Variants in CEP131 observed in about 807,000 individuals in gnomAD.
CEP131 encodes the protein centrosomal protein 131, also known as centrosomal protein of 131 kDa.
In CEP131, 99 loss-of-function variants were observed where a neutral mutation model predicts 136.8. That is an observed-to-expected ratio of 0.72 (90% CI 0.62 to 0.86). CEP131 has a LOEUF of 0.86. CEP131 is among the 40% of genes least tolerant of loss of function. CEP131 has a pLI of 0.00. For synonymous variants in CEP131, 646 were observed against 612.7 expected, an observed-to-expected ratio of 1.05 and a Z score of -0.80; for missense variants, 1,459 against 1,463.0, an observed-to-expected ratio of 1.00 and a Z score of 0.04.
chr17:81,220,139 T>A lies in CEP131; in HGVS notation c.-17-66A>T, dbSNP rs899903431. On this transcript the variant is annotated intron_variant, in intron 1 of 25. Coordinates refer to ENST00000450824, the MANE Select transcript of CEP131 (RefSeq NM_014984.4). ...GAACTACAGTCCCCTGCACCCACCA[T>A]CTCCAGCCCAGCCTCAGCTGGGTCC... is the stretch of plus-strand genomic sequence containing the variant. The A allele has an allele frequency of 8.5e-6, 11 of 1,293,478 alleles. No individual in the cohort carries two copies. In the Admixed American group the frequency reaches 3.8e-4, roughly 45 times the overall value. The allele number at this position is 1,293,478 out of a possible 1,614,324, so 80.1% of individuals were successfully genotyped here. A position where few individuals can be genotyped will look rare whatever the true frequency, so the allele number is the denominator to read the frequency against.
intron 3 of CEP131, 66 bp from the exon 4 acceptor site, chr17:81,207,305 C>A (rs1247409211): frequency 2.8e-6 from 4 of 1,431,524 alleles, no homozygotes; most frequent in East Asian, 2.3e-5. Context: ...GCTAGGCACA[C>A]AGACCAGGCA....
In CEP131 at chr17:81,215,936, G is replaced by A. The variant is rs540768090; in HGVS notation, c.177+3944C>T. Among the ~76,000 whole-genome samples the A allele has an allele frequency of 6.6e-6, 1 of 152,150 alleles. No individual in the cohort carries two copies. The highest frequency in any genetic ancestry group is 6.5e-5 in the Admixed American group (1 of 15,274). ...TGCTACAAAACAATGTAAGGAAAGCGGGAGCAGGGTCAGGTGCAGCGGCCC... is the reference window on the plus strand; with the variant it reads ...TGCTACAAAACAATGTAAGGAAAGCAGGAGCAGGGTCAGGTGCAGCGGCCC... On this transcript the variant is annotated intron_variant, in intron 2 of 25. Transcript: ENST00000450824. This position sits in a 1 kb window ranked among gnomAD's most constrained non-coding sequence, Gnocchi z 4.1.
Position 81,196,581 on chromosome 17 carries a change from G to A in CEP131, c.1899+120C>T, listed in dbSNP as rs971197169. On this transcript the variant is annotated intron_variant, in intron 15 of 25. Transcript: ENST00000450824. ...GGGAAAGGCTTGGAATGCGTCCAGC[G>A]GACACCCGTGTGACACCCAACAGAG... The A allele has an allele frequency of 6.0e-5, 84 of 1,406,010 alleles. No individual in the cohort carries two copies. The East Asian group carries it at 1.2e-3, about 20-fold the overall frequency. The allele number at this position is 1,406,010 out of a possible 1,614,324, so 87.1% of individuals were successfully genotyped here. A position where few individuals can be genotyped will look rare whatever the true frequency, so the allele number is the denominator to read the frequency against.
At chr17:81,192,885 C>G (rs371532294) in intron 18 of CEP131, 42 bp from the exon 19 acceptor site, 4 of 1,573,500 alleles carry the variant, frequency 2.5e-6, no homozygotes, top group Non-Finnish European at 3.4e-6. Context: ...CCGGGACGGG[C>G]GGTCCCAGGA....
At chr17:81,202,154 G>A (rs921052360) in intron 7 of CEP131, 86 bp downstream of exon 7, 6 of 569,118 alleles carry the variant, frequency 1.1e-5, no homozygotes, top group African/African-American at 9.9e-5. Flanking sequence ...TTCTATCCTC[G>A]GAGGTGTGAG....
In CEP131 at chr17:81,208,715, G is replaced by A. The variant is rs763671383; in HGVS notation, c.272+213C>T. ...AGGAAGGGAGGGATGCAGTGCAGGA[G>A]AGTGTCTGCCTCAGGCCTCCCGCCC... On this transcript the variant is annotated intron_variant, in intron 3 of 25. Coordinates refer to ENST00000450824, the MANE Select transcript of CEP131 (RefSeq NM_014984.4). The surrounding 1 kb of genome is among the most constrained non-coding windows in gnomAD (Gnocchi z 5.6). Among the ~76,000 whole-genome samples, 21 of 152,334 alleles carry A rather than the reference G, an allele frequency of 1.4e-4. No homozygotes were observed. Among genetic ancestry groups the A allele is most frequent in the South Asian group, 2.1e-4 (1 of 4,832 alleles).
chr17:81,217,903 A>AGCCTGGCCATGCC (rs2062287371), intron 2 of CEP131, among the ~76,000 whole-genome samples: 1 of 152,158 alleles, frequency 6.6e-6, no homozygotes, highest in East Asian at 1.9e-4. Flanking sequence ...CCGCGGATAG[A>AGCCTGGCCATGCC]GCCTGGCCAT....
At chr17:81,209,109 T>TCTC in intron 2 of CEP131, 87 bp from the exon 3 acceptor site, 4 of 1,009,854 alleles carry the variant, frequency 4.0e-6, no homozygotes, top group East Asian at 2.6e-5. Flanking sequence ...AGAAACGCAG[T>TCTC]CAGAGAACAG....
chr17:81,206,247 C>A (rs139344804), intron 5 of CEP131, among the ~76,000 whole-genome samples: 4 of 152,174 alleles, frequency 2.6e-5, no homozygotes, highest in Non-Finnish European at 5.9e-5. Context: ...CCTGTGCCAA[C>A]CCTGGAGAAT....
At position 81,191,049 on chromosome 17, in the gene CEP131, A is replaced by AG; in HGVS notation, c.2800dup (p.Leu934ProfsTer55). The AG allele has an allele frequency of 6.2e-7, 1 of 1,609,128 alleles. No homozygotes were observed. The highest frequency in any genetic ancestry group is 8.5e-7 in the Non-Finnish European group (1 of 1,178,244). Reference sequence around the variant, plus strand: ...CCGCTCCGACTGCTCCAGCTCGGAGAGCTCGGCCTCGTACTTGTCCCGTAA... The same window carrying AG: ...CCGCTCCGACTGCTCCAGCTCGGAGAGGCTCGGCCTCGTACTTGTCCCGTAA... On this transcript the variant is annotated frameshift_variant, in exon 23 of 26. Coordinates refer to ENST00000450824, the MANE Select transcript of CEP131 (RefSeq NM_014984.4). LOFTEE classifies it high-confidence loss of function.
intron 17 of CEP131, 81 bp downstream of exon 17, chr17:81,194,789 G>A: frequency 8.7e-7 from 1 of 1,154,512 alleles, no homozygotes; most frequent in South Asian, 1.2e-5. Flanking sequence ...ATGAATGCCT[G>A]AAGTTATGGC....
chr17:81,190,106 G>A (rs2061606005), intron 24 of CEP131, 131 bp from the exon 25 acceptor site: 4 of 813,172 alleles, frequency 4.9e-6, no homozygotes, highest in South Asian at 3.9e-5. Context: ...CGACTCCTGT[G>A]GCTGGCCCAG....
At chr17:81,199,301 G>C in intron 10 of CEP131, 80 bp downstream of exon 10, 2 of 1,433,046 alleles carry the variant, frequency 1.4e-6, no homozygotes, top group Non-Finnish European at 1.9e-6. Context: ...AGGAGGCCGA[G>C]AGGAGGTCCA....
chr17:81,192,368 G>A lies in CEP131; in HGVS notation c.2572C>T (p.Gln858Ter). 6.3e-7 allele frequency: 1 copy of A among 1,597,894 alleles called. No individual in the cohort carries two copies. Among genetic ancestry groups the A allele is most frequent in the Non-Finnish European group, 8.5e-7 (1 of 1,173,696 alleles). The change falls in exon 21 of 26, where the codon CAG becomes TAG. Residue 858 changes from glutamine (Q) to a stop codon, truncating the protein, a stop_gained. Coordinates refer to ENST00000450824, the MANE Select transcript of CEP131 (RefSeq NM_014984.4). LOFTEE classifies it high-confidence loss of function. ...CACGCCTGCCTCTCCAGCTCCAGCTGCTGCTTCAGGGTATTCAGCTCCATC... is the reference window on the plus strand; with the variant it reads ...CACGCCTGCCTCTCCAGCTCCAGCTACTGCTTCAGGGTATTCAGCTCCATC... ...HQMELNTLKQQLELERQAWEA... is the reference protein window; with the variant it reads ...HQMELNTLKQ
At chr17:81,214,878 T>C (rs2062211890) in intron 2 of CEP131, among the ~76,000 whole-genome samples, 1 of 151,830 alleles carries the variant, frequency 6.6e-6, no homozygotes, top group Non-Finnish European at 1.5e-5. Flanking sequence ...GTTCACGCCA[T>C]TCTCCTGCCT....
chr17:81,198,817 C>T (rs1354055164), intron 11 of CEP131, 60 bp downstream of exon 11: 7 of 1,498,618 alleles, frequency 4.7e-6, no homozygotes, highest in Non-Finnish European at 5.4e-6. Context: ...ACACCCCTGG[C>T]ACAGACATGG....
At chr17:81,199,327 C>A in intron 10 of CEP131, 54 bp downstream of exon 10, 1 of 1,517,824 alleles carries the variant, frequency 6.6e-7, no homozygotes. Flanking sequence ...GCTGCACTTC[C>A]TTCCTGGCTG....
intron 2 of CEP131, among the ~76,000 whole-genome samples, chr17:81,214,358 C>T (rs1331822841): frequency 1.3e-5 from 2 of 152,174 alleles, no homozygotes; most frequent in Admixed American, 1.3e-4. Flanking sequence ...TAGTTTGAGA[C>T]CAGCCTGGCC....
intron 5 of CEP131, among the ~76,000 whole-genome samples, chr17:81,205,136 G>A (rs974538735): frequency 4.0e-5 from 6 of 151,712 alleles, no homozygotes; most frequent in African/African-American, 1.5e-4. Flanking sequence ...GCACACGCCT[G>A]TAGTCCCAGC....
Sources: gnomAD v4.1 joint callset for allele counts (sites outside exome capture counted in the v4.1 genomes callset) on GRCh38, gnomAD v4.1.1 for gene constraint, Gnocchi (gnomAD v3.1) non-coding constraint, MANE v1.5 for transcripts, NCBI Gene and HGNC (gene_info 2026-07-23, HGNC 2026-07-21) for gene names.